ROBO1: variants seen among roughly 807,000 people sequenced by gnomAD.
The protein encoded by ROBO1 is roundabout homolog 1.
In ROBO1, 149 loss-of-function variants were observed where a neutral mutation model predicts 195.9. The ratio of observed to expected loss-of-function variants is 0.76; its 90% CI spans 0.67 to 0.87. The LOEUF is 0.87. Ranked by LOEUF, ROBO1 falls within the 40% of genes least tolerant of loss-of-function variation. The probability of loss-of-function intolerance (pLI) is 0.00; values close to 1 mark genes in which losing one functional copy is unlikely to be tolerated. For missense variants in ROBO1, 1,933 were observed against 2,068.3 expected, an observed-to-expected ratio of 0.93 and a Z score of 1.27; for synonymous variants, 816 against 733.2, an observed-to-expected ratio of 1.11 and a Z score of -1.82.
chr3:79,389,400 G>A (rs1249743386), intron 2 of ROBO1, among the ~76,000 whole-genome samples: 2 of 152,066 alleles, frequency 1.3e-5, no homozygotes, highest in Non-Finnish European at 2.9e-5. Context: ...GTGCGTTGCA[G>A]GGTAGCACAA....
chr3:79,508,686 T>C (rs73848901), intron 2 of ROBO1, among the ~76,000 whole-genome samples: 5,813 of 152,296 alleles, frequency 0.038, 394 homozygotes, highest in African/African-American at 0.13. Context: ...ATGCAGGATC[T>C]GGCATCCGTT....
At chr3:79,693,780 C>G (rs577521161) in intron 1 of ROBO1, among the ~76,000 whole-genome samples, 1 of 151,726 alleles carries the variant, frequency 6.6e-6, no homozygotes, top group East Asian at 2.0e-4. Context: ...AGATAAATAA[C>G]TTAATTTACA....
At chr3:79,661,714 T>C (rs1193178871) in intron 1 of ROBO1, among the ~76,000 whole-genome samples, 1 of 152,020 alleles carries the variant, frequency 6.6e-6, no homozygotes, top group Non-Finnish European at 1.5e-5. Flanking sequence ...TATCCTACCA[T>C]AAAATTGCCT....
chr3:78,755,847 A>G (rs543224835), intron 4 of ROBO1, among the ~76,000 whole-genome samples: 1 of 152,302 alleles, frequency 6.6e-6, no homozygotes, highest in South Asian at 2.1e-4. Flanking sequence ...TCTGATATGA[A>G]AATTGTTTCA....
intron 4 of ROBO1, among the ~76,000 whole-genome samples, chr3:78,892,815 T>A (rs751691336): frequency 5.3e-5 from 8 of 152,214 alleles, no homozygotes; most frequent in Non-Finnish European, 7.3e-5. Context: ...TTGATTTGCC[T>A]GATATCATTT....
intron 8 of ROBO1, among the ~76,000 whole-genome samples, chr3:78,694,989 A>C (rs2081253481): frequency 6.6e-6 from 1 of 152,086 alleles, no homozygotes; most frequent in Admixed American, 6.6e-5. Flanking sequence ...AAAAACAAAA[A>C]AAACTGGAAA....
chr3:79,021,944 G>A (rs1003155477), intron 3 of ROBO1, among the ~76,000 whole-genome samples: 1 of 152,188 alleles, frequency 6.6e-6, no homozygotes, highest in Non-Finnish European at 1.5e-5. Context: ...ACAGGCGTGA[G>A]CCCTGCCGCG....
In ROBO1 at chr3:79,176,878, T is replaced by C. The variant is rs573029154; in HGVS notation, c.89-51339A>G. On this transcript the variant is annotated intron_variant, in intron 2 of 30. Coordinates refer to ENST00000464233, the MANE Select transcript of ROBO1 (RefSeq NM_002941.4). ...TCAATGGATAGAATATGAAGTCTTA[T>C]TATTAAATGTAAACCTCATATTCTA... Among the ~76,000 whole-genome samples, 5 of 152,358 alleles carry C rather than the reference T, an allele frequency of 3.3e-5. No homozygotes were observed. The South Asian group carries it at 1.0e-3, about 32-fold the overall frequency.
intron 2 of ROBO1, among the ~76,000 whole-genome samples, chr3:79,395,340 A>AAAAAAAAAAAGAAAGAAAGAAAGAAAG (rs71631648): frequency 2.5e-5 from 3 of 119,062 alleles, no homozygotes; most frequent in African/African-American, 6.2e-5. Context: ...AAAAAAAAAA[A>AAAAAAAAAAAGAAAGAAAGAAAGAAAG]AAAGAAAGAA....
chr3:79,443,528 T>C (rs1312064009), intron 2 of ROBO1, among the ~76,000 whole-genome samples: 1 of 152,186 alleles, frequency 6.6e-6, no homozygotes, highest in Non-Finnish European at 1.5e-5. Flanking sequence ...AATTTTGCTT[T>C]ATAGAAATAT....
Position 79,575,704 on chromosome 3 carries a change from A to G in ROBO1, c.88+14120T>C, listed in dbSNP as rs1943463223. Among the ~76,000 whole-genome samples, 3 of 150,982 alleles carry G rather than the reference A, an allele frequency of 2.0e-5. No individual in the cohort carries two copies. In the Admixed American group the frequency reaches 2.0e-4, roughly 10 times the overall value. On this transcript the variant is annotated intron_variant, in intron 2 of 30. Transcript: ENST00000464233. ...AATGTTAGTGAATAGGCATTCTTCTATTTGTTTCATGGCATTCTTCCAAGT... is the reference window on the plus strand; with the variant it reads ...AATGTTAGTGAATAGGCATTCTTCTGTTTGTTTCATGGCATTCTTCCAAGT...
At chr3:79,531,642 G>A (rs7622732) in intron 2 of ROBO1, among the ~76,000 whole-genome samples, 86,905 of 151,940 alleles carry the variant, frequency 0.57, 24,971 homozygotes, top group Non-Finnish European at 0.6. Flanking sequence ...TACTAGAAAC[G>A]CTGGCAAAAA....
intron 3 of ROBO1, among the ~76,000 whole-genome samples, chr3:79,071,740 GCA>G (rs151014133): frequency 6.9e-6 from 1 of 144,386 alleles, no homozygotes; most frequent in African/African-American, 2.8e-5. Context: ...ACACACACAC[GCA>G]CACACACACA....
intron 28 of ROBO1, chr3:78,607,375 G>A (rs1007255654): frequency 9.1e-6 from 2 of 218,760 alleles, no homozygotes; most frequent in Non-Finnish European, 1.8e-5. Flanking sequence ...ACCACACCTG[G>A]CTACGTTTTG....
At chr3:79,242,159 G>C (rs1023750382) in intron 2 of ROBO1, among the ~76,000 whole-genome samples, 5 of 151,730 alleles carry the variant, frequency 3.3e-5, no homozygotes, top group Non-Finnish European at 7.4e-5. Flanking sequence ...CTTAGAACAA[G>C]ATGTGAAATT....
chr3:79,129,450 A>G (rs2108583593), intron 2 of ROBO1, among the ~76,000 whole-genome samples: 1 of 152,254 alleles, frequency 6.6e-6, no homozygotes, highest in African/African-American at 2.4e-5. Context: ...ACATACACAC[A>G]AACAGTATAT....
At chr3:79,284,180 GTTCT>G (rs1559789851) in intron 2 of ROBO1, among the ~76,000 whole-genome samples, 1 of 151,760 alleles carries the variant, frequency 6.6e-6, no homozygotes, top group African/African-American at 2.4e-5. Flanking sequence ...ATATGTCGAT[GTTCT>G]TTCTTTTTTG....
At chr3:78,922,042 C>A (rs1282471382) in intron 4 of ROBO1, among the ~76,000 whole-genome samples, 2 of 152,004 alleles carry the variant, frequency 1.3e-5, no homozygotes, top group African/African-American at 4.8e-5. Flanking sequence ...CCCACCTCGG[C>A]CTCCCAAAGT....
chr3:78,699,330 C>T (rs2081367358), intron 8 of ROBO1, among the ~76,000 whole-genome samples: 1 of 142,846 alleles, frequency 7.0e-6, no homozygotes, highest in African/African-American at 2.6e-5. Context: ...AGGTGGATCA[C>T]TTTGAGGTTA....
Sources: gnomAD v4.1 joint callset for allele counts (sites outside exome capture counted in the v4.1 genomes callset) on GRCh38, gnomAD v4.1.1 for gene constraint, MANE v1.5 for transcripts, NCBI Gene and HGNC (gene_info 2026-07-23, HGNC 2026-07-21) for gene names.